MAP3K15: variants seen among roughly 807,000 people sequenced by gnomAD.
MAP3K15 encodes the protein MAPK/ERK kinase kinase 15.
In MAP3K15, 124 loss-of-function variants were observed where a neutral mutation model predicts 99.5. That is an observed-to-expected ratio of 1.25 (90% CI 1.08 to 1.45). MAP3K15 has a LOEUF of 1.45. Among genes scored for constraint, MAP3K15 ranks in the 40% most tolerant of loss-of-function variants. MAP3K15 has a pLI of 0.00. For missense variants in MAP3K15, 1,242 were observed against 1,079.7 expected, an observed-to-expected ratio of 1.15 and a Z score of -2.11; for synonymous variants, 494 against 439.6, an observed-to-expected ratio of 1.12 and a Z score of -1.55.
At chrX:19,455,225 A>G (rs1224573353) in intron 6 of MAP3K15, among the ~76,000 whole-genome samples, 1 of 111,458 alleles carries the variant, frequency 9.0e-6, no homozygotes, top group Non-Finnish European at 1.9e-5. Flanking sequence ...AAAGGTGGCT[A>G]TCTGGTGTGC....
chrX:19,479,571 T>C (rs755151908), intron 3 of MAP3K15, among the ~76,000 whole-genome samples: 7 of 112,005 alleles, frequency 6.2e-5, no homozygotes, highest in Non-Finnish European at 1.3e-4. Context: ...CAAAATAAGC[T>C]GTAAGTATAA....
At chrX:19,502,314 G>A (rs1357011771) in intron 1 of MAP3K15, among the ~76,000 whole-genome samples, 2 of 110,772 alleles carry the variant, frequency 1.8e-5, no homozygotes, top group South Asian at 3.8e-4. Context: ...CTTGGTGGGA[G>A]GTGACTGGAT....
At chrX:19,363,001 G>T in intron 25 of MAP3K15, 151 bp from the exon 26 acceptor site, 1 of 376,360 alleles carries the variant, frequency 2.7e-6, no homozygotes, top group Non-Finnish European at 4.6e-6. Flanking sequence ...GGAAGCACAT[G>T]TGTTTCTTCA....
At chrX:19,433,160 G>C (rs1296283142) in intron 6 of MAP3K15, among the ~76,000 whole-genome samples, 1 of 111,964 alleles carries the variant, frequency 8.9e-6, no homozygotes, top group African/African-American at 3.2e-5. Context: ...AATTATCAAA[G>C]TGGATATGGG....
intron 18 of MAP3K15, among the ~76,000 whole-genome samples, chrX:19,382,354 C>G (rs772924003): frequency 1.8e-5 from 2 of 109,852 alleles, no homozygotes; most frequent in African/African-American, 6.6e-5. Flanking sequence ...GTCTTATTAG[C>G]ATTCTTTAAA....
At chrX:19,431,711 C>T (rs1482814518) in intron 6 of MAP3K15, 103 bp from the exon 7 acceptor site, 34 of 660,115 alleles carry the variant, frequency 5.2e-5, no homozygotes, top group East Asian at 1.1e-4. Flanking sequence ...TTTGGGAGGC[C>T]GAAGCGGGTA....
At chrX:19,399,738 C>CAAAAA (rs1569210940) in intron 14 of MAP3K15, among the ~76,000 whole-genome samples, 9 of 42,822 alleles carry the variant, frequency 2.1e-4, no homozygotes, top group African/African-American at 1.3e-3. Flanking sequence ...GACTCTGTTT[C>CAAAAA]CAAAAAAAAA....
intron 5 of MAP3K15, among the ~76,000 whole-genome samples, chrX:19,459,656 C>G (rs752381807): frequency 1.8e-5 from 2 of 111,966 alleles, no homozygotes; most frequent in Non-Finnish European, 1.9e-5. Context: ...TTAAGACCAG[C>G]CTGACCAACA....
intron 5 of MAP3K15, among the ~76,000 whole-genome samples, chrX:19,458,626 G>A (rs2064111153): frequency 1.8e-5 from 2 of 112,020 alleles, no homozygotes; most frequent in African/African-American, 6.5e-5. Flanking sequence ...GTTGCAGTGA[G>A]CTGAGATCAC....
At chrX:19,392,685 A>G (rs1017697573) in intron 16 of MAP3K15, among the ~76,000 whole-genome samples, 10 of 111,807 alleles carry the variant, frequency 8.9e-5, no homozygotes, top group Non-Finnish European at 1.9e-4. Flanking sequence ...CCAGAGGCAC[A>G]GGGTGAACAT....
rs1237027099 is a variant in MAP3K15 at position 19,515,336 on chromosome X, G to A, written c.-75C>T. On this transcript the variant is annotated 5_prime_UTR_variant, in exon 1 of 29. Transcript: ENST00000338883. ...CCGCTAGGAGGCACAAGTTACAGCAGCCGCGCAGGCGGTCCCGGCACCTGC... is the reference window on the plus strand; with the variant it reads ...CCGCTAGGAGGCACAAGTTACAGCAACCGCGCAGGCGGTCCCGGCACCTGC... The A allele has an allele frequency of 9.0e-6, 6 of 667,632 alleles. No homozygotes were observed. Among genetic ancestry groups the A allele is most frequent in the Non-Finnish European group, 1.1e-5 (6 of 546,689 alleles). The allele number at this position is 667,632 out of a possible 1,213,427, so 55.0% of individuals were successfully genotyped here. A position where few individuals can be genotyped will look rare whatever the true frequency, so the allele number is the denominator to read the frequency against.
chrX:19,363,284 C>T lies in MAP3K15; in HGVS notation c.3567-434G>A, dbSNP rs190748062. 2.1e-3 allele frequency among the ~76,000 whole-genome samples: 237 copies of T among 111,899 alleles called. 1 individual carries two copies. The highest frequency in any genetic ancestry group is 6.4e-3 in the South Asian group (17 of 2,666). ...CCTTCCACCATGTGAGGACACACCG[C>T]GAGAAGATGGCCATCTGTGAATGGG... On this transcript the variant is annotated intron_variant, in intron 25 of 28. Transcript: ENST00000338883.
chrX:19,511,388 A>G (rs750782336), intron 1 of MAP3K15, among the ~76,000 whole-genome samples: 1 of 112,313 alleles, frequency 8.9e-6, no homozygotes, highest in South Asian at 3.7e-4. Flanking sequence ...CAGGCAACCT[A>G]CAGAATGGGA....
Position 19,395,944 on chromosome X carries a change from CTG to C in MAP3K15, c.2067-738_2067-737del, listed in dbSNP as rs1426277827. On this transcript the variant is annotated intron_variant, in intron 15 of 28. Coordinates refer to ENST00000338883, the MANE Select transcript of MAP3K15 (RefSeq NM_001001671.4). ...GAATATACTTTGTGTTTTAACAGCT[CTG>C]TTTTTCCATCAGCATAGGCCTCCTT... 3.6e-5 allele frequency among the ~76,000 whole-genome samples: 4 copies of C among 112,129 alleles called. No individual in the cohort carries two copies. The Admixed American group carries it at 3.8e-4, about 11-fold the overall frequency.
chrX:19,410,526 C>G (rs1393063178), intron 11 of MAP3K15, among the ~76,000 whole-genome samples: 1 of 112,153 alleles, frequency 8.9e-6, no homozygotes, highest in African/African-American at 3.2e-5. Flanking sequence ...AAAAACTCCA[C>G]AGCAACCCTC....
intron 19 of MAP3K15, among the ~76,000 whole-genome samples, chrX:19,376,316 C>T (rs143336509): frequency 0.021 from 2,302 of 110,882 alleles, 72 homozygotes; most frequent in African/African-American, 0.072. Flanking sequence ...CTTCTAGCTT[C>T]TCGTGGTCTG....
intron 18 of MAP3K15, among the ~76,000 whole-genome samples, chrX:19,380,619 G>A (rs1389424921): frequency 4.5e-5 from 5 of 111,125 alleles, no homozygotes; most frequent in Non-Finnish European, 9.4e-5. Context: ...TCCGCCTCCC[G>A]GGTTCAAGCG....
chrX:19,370,282 G>C (rs2063365223), intron 24 of MAP3K15, among the ~76,000 whole-genome samples: 1 of 112,549 alleles, frequency 8.9e-6, no homozygotes, highest in Non-Finnish European at 1.9e-5. Flanking sequence ...CTGAGCCACT[G>C]TATTGTCAGT....
chrX:19,365,208 C>CA lies in MAP3K15; in HGVS notation c.3567-2359dup, dbSNP rs141602108. Among the ~76,000 whole-genome samples the CA allele has an allele frequency of 4.0e-3, 298 of 74,709 alleles. 1 individual carries two copies. Among genetic ancestry groups the CA allele is most frequent in the African/African-American group, 6.3e-3 (163 of 25,842 alleles). The allele number at this position is 74,709 out of a possible 115,157, so 64.9% of individuals were successfully genotyped here. Reference sequence around the variant, plus strand: ...TGGGCAACAGAGTCAAACTCCATCTCAAAAAAAAAAAAAAAAAGTTCTTCG... The same window carrying CA: ...TGGGCAACAGAGTCAAACTCCATCTCAAAAAAAAAAAAAAAAAAGTTCTTCG... On this transcript the variant is annotated intron_variant, in intron 25 of 28. Transcript: ENST00000338883.
Sources: gnomAD v4.1 joint callset for allele counts (sites outside exome capture counted in the v4.1 genomes callset) on GRCh38, gnomAD v4.1.1 for gene constraint, MANE v1.5 for transcripts, NCBI Gene and HGNC (gene_info 2026-07-23, HGNC 2026-07-21) for gene names.